The following RANBP2 variants were observed in gnomAD, a reference collection of about 807,000 sequenced individuals.
The protein encoded by RANBP2 is E3 SUMO-protein ligase RanBP2.
A neutral mutation model predicts 303.6 loss-of-function variants in RANBP2; 57 were observed. The ratio of observed to expected loss-of-function variants is 0.19; its 90% CI spans 0.15 to 0.23. The LOEUF (loss-of-function observed/expected upper bound fraction) is 0.23, where lower values mean the gene tolerates loss of function less well. Among genes scored for constraint, RANBP2 ranks in the 10% least tolerant of loss-of-function variants. The pLI, the probability that RANBP2 is intolerant of heterozygous loss-of-function variation, is 1.00. For synonymous variants in RANBP2, 1,167 were observed against 1,301.5 expected (o/e 0.90, Z 2.23); for missense variants, 3,138 against 3,780.8 (o/e 0.83, Z 4.46).
At chr2:109,120,474 A>G in the RANBP2 span, among the ~76,000 whole-genome samples, 1 of 152,160 alleles carries the variant, frequency 6.6e-6, no homozygotes, top group Admixed American at 6.5e-5. Context: ...GTGCTCAGCC[A>G]GGTTGGCCTT....
the RANBP2 span, among the ~76,000 whole-genome samples, chr2:109,701,619 C>T: frequency 5.9e-5 from 9 of 152,226 alleles, no homozygotes; most frequent in Admixed American, 3.3e-4. Flanking sequence ...CAATCAGATA[C>T]GCATGTGTCT....
chr2:108,761,172 T>A (rs1348808912), intron 18 of RANBP2, among the ~76,000 whole-genome samples: 1 of 149,096 alleles, frequency 6.7e-6, no homozygotes, highest in Non-Finnish European at 1.5e-5. Context: ...CTTGCAAGAC[T>A]TTAAGATTCT....
the RANBP2 span, among the ~76,000 whole-genome samples, chr2:109,222,888 C>T: frequency 0.021 from 3,220 of 152,368 alleles, 134 homozygotes; most frequent in African/African-American, 0.072. Flanking sequence ...AAGGTGTCCG[C>T]GTGTATCCCA....
chr2:109,491,616 G>T, the RANBP2 span, among the ~76,000 whole-genome samples: 29 of 152,144 alleles, frequency 1.9e-4, no homozygotes, highest in Admixed American at 6.5e-5. Context: ...TTCACCTGGG[G>T]CTAGAGGCGT....
chr2:109,224,856 CA>C, the RANBP2 span, among the ~76,000 whole-genome samples: 10 of 151,824 alleles, frequency 6.6e-5, no homozygotes, highest in East Asian at 1.9e-3. Context: ...GACTCTGTCT[CA>C]AAAAAATTTT....
the RANBP2 span, among the ~76,000 whole-genome samples, chr2:109,701,536 C>T: frequency 7.5e-4 from 114 of 152,210 alleles, no homozygotes; most frequent in African/African-American, 2.7e-3. Context: ...CCTTGATCAG[C>T]CTTCCACTGA....
chr2:108,988,399 C>G, the RANBP2 span, among the ~76,000 whole-genome samples: 4 of 152,150 alleles, frequency 2.6e-5, no homozygotes, highest in Non-Finnish European at 5.9e-5. Flanking sequence ...GAAATGAAAA[C>G]CTCAATCATC....
the RANBP2 span, among the ~76,000 whole-genome samples, chr2:109,698,623 T>C: frequency 6.6e-6 from 1 of 152,268 alleles, no homozygotes; most frequent in Middle Eastern, 3.4e-3. Context: ...ATTCTTGATG[T>C]GTTTGTATTA....
chr2:109,583,715 T>C, the RANBP2 span, among the ~76,000 whole-genome samples: 1 of 152,060 alleles, frequency 6.6e-6, no homozygotes, highest in Non-Finnish European at 1.5e-5. Flanking sequence ...CTATTCACAA[T>C]AGCAAAGACA....
chr2:109,003,993 A>G, the RANBP2 span, among the ~76,000 whole-genome samples: 1 of 152,188 alleles, frequency 6.6e-6, no homozygotes, highest in Non-Finnish European at 1.5e-5. Context: ...AGCTGACATC[A>G]AAGAGGGATG....
chr2:109,629,521 G>A, the RANBP2 span, among the ~76,000 whole-genome samples: 2 of 151,492 alleles, frequency 1.3e-5, no homozygotes, highest in Non-Finnish European at 2.9e-5. Flanking sequence ...GTACGAAAAT[G>A]TGTGTATGAG....
chr2:109,474,458 C>T, the RANBP2 span, among the ~76,000 whole-genome samples: 1 of 152,144 alleles, frequency 6.6e-6, no homozygotes, highest in East Asian at 1.9e-4. Flanking sequence ...TGATGGGAAC[C>T]TAGGTGGTCC....
At chr2:109,493,192 A>G in the RANBP2 span, among the ~76,000 whole-genome samples, 4 of 151,574 alleles carry the variant, frequency 2.6e-5, no homozygotes, top group African/African-American at 9.7e-5. Flanking sequence ...CACACACACC[A>G]CACATATATC....
At chr2:108,953,041 A>G in the RANBP2 span, among the ~76,000 whole-genome samples, 1 of 152,148 alleles carries the variant, frequency 6.6e-6, no homozygotes, top group Admixed American at 6.5e-5. Context: ...TATGTGGTAC[A>G]TGAGATATTT....
chr2:109,439,605 T>G, the RANBP2 span, among the ~76,000 whole-genome samples: 6 of 152,020 alleles, frequency 3.9e-5, no homozygotes, highest in Non-Finnish European at 8.8e-5. Flanking sequence ...ATATGATTTG[T>G]TCTACTTGAT....
the RANBP2 span, chr2:109,760,388 C>T: frequency 5.8e-4 from 229 of 398,004 alleles, 4 homozygotes; most frequent in South Asian, 0.012. Flanking sequence ...GGCCGGGGGC[C>T]AGGCGGGGCG....
chr2:109,284,602 TAG>T, the RANBP2 span, among the ~76,000 whole-genome samples: 2 of 152,210 alleles, frequency 1.3e-5, no homozygotes, highest in Non-Finnish European at 2.9e-5. Flanking sequence ...ATGAAGGGCA[TAG>T]AGTGGCATCT....
the RANBP2 span, among the ~76,000 whole-genome samples, chr2:109,015,630 T>C: frequency 6.6e-6 from 1 of 151,512 alleles, no homozygotes; most frequent in East Asian, 1.9e-4. Context: ...TGATGGGGAG[T>C]GCCTGCAGTC....
the RANBP2 span, among the ~76,000 whole-genome samples, chr2:109,446,026 C>A: frequency 6.6e-6 from 1 of 152,238 alleles, no homozygotes; most frequent in Non-Finnish European, 1.5e-5. Context: ...CTTTCCTAAG[C>A]AGCCTTCATC....
Sources: gnomAD v4.1 joint callset for allele counts (sites outside exome capture counted in the v4.1 genomes callset) on GRCh38, gnomAD v4.1.1 for gene constraint, MANE v1.5 for transcripts, NCBI Gene and HGNC (gene_info 2026-07-23, HGNC 2026-07-21) for gene names.